WDR70: variants seen among roughly 807,000 people sequenced by gnomAD.
WDR70 encodes WD repeat domain 70.
In WDR70, 53 loss-of-function variants were observed where a neutral mutation model predicts 88.6. The ratio of observed to expected loss-of-function variants is 0.60; its 90% CI spans 0.48 to 0.75. WDR70 has a LOEUF of 0.75. Among genes scored for constraint, WDR70 ranks in the 30% least tolerant of loss-of-function variants. The pLI, the probability that WDR70 is intolerant of heterozygous loss-of-function variation, is 0.00. For missense variants in WDR70, 610 were observed against 823.2 expected, an observed-to-expected ratio of 0.74 and a Z score of 3.17; for synonymous variants, 280 against 270.0, an observed-to-expected ratio of 1.04 and a Z score of -0.36.
intron 13 of WDR70, among the ~76,000 whole-genome samples, chr5:37,713,591 T>C (rs1013669902): frequency 1.3e-5 from 2 of 151,972 alleles, no homozygotes; most frequent in Non-Finnish European, 2.9e-5. Flanking sequence ...TTAATTTTAT[T>C]ATTATAATGT....
intron 8 of WDR70, among the ~76,000 whole-genome samples, chr5:37,500,143 G>T (rs1740361035): frequency 6.6e-6 from 1 of 151,992 alleles, no homozygotes; most frequent in Non-Finnish European, 1.5e-5. Flanking sequence ...ATATACCTTT[G>T]TGTACCCATA....
chr5:37,656,282 A>C (rs1745552580), intron 10 of WDR70, among the ~76,000 whole-genome samples: 1 of 152,220 alleles, frequency 6.6e-6, no homozygotes, highest in Admixed American at 6.5e-5. Context: ...GCTGCAAAAC[A>C]GCAAAGATTG....
chr5:37,651,770 C>G (rs561348995), intron 10 of WDR70, among the ~76,000 whole-genome samples: 163 of 152,212 alleles, frequency 1.1e-3, no homozygotes, highest in Admixed American at 1.6e-3. Flanking sequence ...TGAGAAGTGT[C>G]TGTTCATATC....
chr5:37,389,089 CT>C (rs869256981), intron 3 of WDR70, among the ~76,000 whole-genome samples: 270 of 124,872 alleles, frequency 2.2e-3, no homozygotes, highest in Admixed American at 3.2e-3. Flanking sequence ...CAGGCCCATT[CT>C]TTTTTTTTTT....
At chr5:37,697,141 C>T (rs1421627071) in intron 10 of WDR70, among the ~76,000 whole-genome samples, 2 of 152,126 alleles carry the variant, frequency 1.3e-5, no homozygotes, top group South Asian at 2.1e-4. Flanking sequence ...ATATGATAAG[C>T]GTTGTGTAAG....
At chr5:37,407,436 A>G (rs1197296953) in intron 5 of WDR70, among the ~76,000 whole-genome samples, 3 of 151,972 alleles carry the variant, frequency 2.0e-5, no homozygotes, top group African/African-American at 7.3e-5. Context: ...AGGCAGGAGG[A>G]TCACCTGAGC....
chr5:37,697,277 C>T (rs10067274), intron 10 of WDR70, among the ~76,000 whole-genome samples: 4,913 of 152,220 alleles, frequency 0.032, 274 homozygotes, highest in African/African-American at 0.11. Flanking sequence ...ATAATGTGCT[C>T]ATTTGTAATT....
chr5:37,485,416 A>G (rs1482271073), intron 8 of WDR70, among the ~76,000 whole-genome samples: 1 of 152,206 alleles, frequency 6.6e-6, no homozygotes, highest in Non-Finnish European at 1.5e-5. Flanking sequence ...GCTCTCATAC[A>G]ATAGTCAGGT....
Position 37,597,107 on chromosome 5 carries a change from TG to T in WDR70, c.918-7953del, listed in dbSNP as rs375239313. ...TTAGTGCATTAACAGAATGAAGATT[TG>T]GGGTTGTTTCCAGTTTGGGGCAATT... is the stretch of plus-strand genomic sequence containing the variant. On this transcript the variant is annotated intron_variant, in intron 9 of 17. Coordinates refer to ENST00000265107, the MANE Select transcript of WDR70 (RefSeq NM_018034.4). Among the ~76,000 whole-genome samples the T allele has an allele frequency of 6.0e-4, 92 of 152,344 alleles. 2 individuals carry two copies. The South Asian group carries it at 0.019, about 31-fold the overall frequency.
In WDR70 at chr5:37,648,530, G is replaced by T. The variant is rs1372927140; in HGVS notation, c.1092+43292G>T. On this transcript the variant is annotated intron_variant, in intron 10 of 17. Coordinates refer to ENST00000265107, the MANE Select transcript of WDR70 (RefSeq NM_018034.4). ...AGAGACAGAGAACTATTCTTTTAGT[G>T]GTAATCTCTTGGTAGTTCAGTTGTT... is the stretch of plus-strand genomic sequence containing the variant. Among the ~76,000 whole-genome samples the T allele has an allele frequency of 2.9e-5, 4 of 140,074 alleles. No homozygotes were observed. In the East Asian group the frequency reaches 7.7e-4, roughly 27 times the overall value. The allele number at this position is 140,074 out of a possible 152,430, so 91.9% of individuals were successfully genotyped here.
intron 8 of WDR70, among the ~76,000 whole-genome samples, chr5:37,500,683 G>A (rs1010366414): frequency 1.5e-5 from 2 of 132,178 alleles, no homozygotes; most frequent in African/African-American, 5.4e-5. Context: ...CCAGTGATTA[G>A]TGATGTTGAG....
intron 5 of WDR70, among the ~76,000 whole-genome samples, chr5:37,401,939 A>G (rs926428049): frequency 2.0e-5 from 3 of 152,188 alleles, no homozygotes; most frequent in Non-Finnish European, 2.9e-5. Flanking sequence ...GGCAATATTC[A>G]AAATTCTCAC....
At chr5:37,443,121 G>A (rs1750704989) in intron 6 of WDR70, 118 bp from the exon 7 acceptor site, 1 of 1,073,574 alleles carries the variant, frequency 9.3e-7, no homozygotes, top group Admixed American at 2.9e-5. Context: ...AATAGTTGGT[G>A]GTTTGTACTT....
chr5:37,393,193 C>T (rs1395403227), intron 4 of WDR70, among the ~76,000 whole-genome samples: 1 of 151,902 alleles, frequency 6.6e-6, no homozygotes, highest in Non-Finnish European at 1.5e-5. Context: ...AGGTGCCCAC[C>T]ACCATGCCCA....
At chr5:37,426,965 G>T (rs1293820181) in intron 5 of WDR70, among the ~76,000 whole-genome samples, 1 of 151,966 alleles carries the variant, frequency 6.6e-6, no homozygotes, top group Non-Finnish European at 1.5e-5. Context: ...TTTTAGAGAT[G>T]GGGTTTCGCT....
intron 17 of WDR70, among the ~76,000 whole-genome samples, chr5:37,747,242 A>G (rs978893231): frequency 2.0e-5 from 3 of 152,186 alleles, no homozygotes; most frequent in Non-Finnish European, 2.9e-5. Flanking sequence ...AAAAGAAGAC[A>G]TTTACGTGGC....
chr5:37,528,902 GA>G (rs1389852119), intron 9 of WDR70, among the ~76,000 whole-genome samples: 2 of 129,204 alleles, frequency 1.5e-5, no homozygotes, highest in African/African-American at 5.9e-5. Flanking sequence ...CCAATGTCTA[GA>G]GGGGGTTTTT....
At chr5:37,492,096 T>C (rs551374404) in intron 8 of WDR70, among the ~76,000 whole-genome samples, 1 of 152,332 alleles carries the variant, frequency 6.6e-6, no homozygotes, top group East Asian at 1.9e-4. Context: ...AAATTAAGAT[T>C]TGGTACTCTG....
At chr5:37,539,035 A>G (rs1741742004) in intron 9 of WDR70, among the ~76,000 whole-genome samples, 1 of 152,228 alleles carries the variant, frequency 6.6e-6, no homozygotes, top group South Asian at 2.1e-4. Context: ...GCCCATTGGT[A>G]CTGATGAGTG....
Sources: allele counts gnomAD v4.1 joint callset (sites outside exome capture counted in the v4.1 genomes callset), GRCh38; gene constraint gnomAD v4.1.1; transcripts MANE v1.5; gene names NCBI Gene and HGNC (gene_info 2026-07-23, HGNC 2026-07-21).